Variants in TRIM23 observed in about 807,000 individuals in gnomAD.
TRIM23 encodes E3 ubiquitin-protein ligase TRIM23.
Under a neutral mutation model 71.0 loss-of-function variants are expected in TRIM23, and 27 were observed. The observed-to-expected ratio is 0.38, with a 90% CI of 0.28 to 0.52. The LOEUF is 0.52. TRIM23 is among the 20% of genes least tolerant of loss of function. The probability of loss-of-function intolerance (pLI) is 0.84; values close to 1 mark genes in which losing one functional copy is unlikely to be tolerated. For missense variants in TRIM23, 482 were observed against 692.3 expected, an observed-to-expected ratio of 0.70 and a Z score of 3.41; for synonymous variants, 234 against 238.0, an observed-to-expected ratio of 0.98 and a Z score of 0.16.
At chr5:65,592,369 C>T (rs1754064323) in intron 10 of TRIM23, among the ~76,000 whole-genome samples, 1 of 152,098 alleles carries the variant, frequency 6.6e-6, no homozygotes, top group Non-Finnish European at 1.5e-5. Flanking sequence ...GGATTACAGG[C>T]ATGTGCTACC....
chr5:65,613,618 A>T, intron 3 of TRIM23: 1 of 870,658 alleles, frequency 1.1e-6, no homozygotes, highest in Non-Finnish European at 1.5e-6. Context: ...TAAAGACAGT[A>T]CATCTATACA....
At chr5:65,614,876 A>ATAATTATAT in intron 2 of TRIM23, among the ~76,000 whole-genome samples, 1 of 152,192 alleles carries the variant, frequency 6.6e-6, no homozygotes, top group Admixed American at 6.5e-5. Context: ...ATTTTGCCAC[A>ATAATTATAT]GTTTAAAAAA....
intron 1 of TRIM23, among the ~76,000 whole-genome samples, chr5:65,622,507 TTTCTC>T (rs2150646142): frequency 6.6e-6 from 1 of 152,334 alleles, no homozygotes; most frequent in South Asian, 2.1e-4. Flanking sequence ...ATGTTACTGT[TTTCTC>T]TAATGATAAA....
chr5:65,598,748 CA>C (rs34575401), intron 7 of TRIM23, among the ~76,000 whole-genome samples: 93,684 of 134,842 alleles, frequency 0.69, 31,669 homozygotes, highest in African/African-American at 0.84. Flanking sequence ...AACTCCGCCT[CA>C]AAAAAAAAAA....
intron 3 of TRIM23, among the ~76,000 whole-genome samples, 161 bp from the exon 4 acceptor site, chr5:65,612,042 G>A (rs1754664697): frequency 6.6e-6 from 1 of 152,164 alleles, no homozygotes; most frequent in Non-Finnish European, 1.5e-5. Flanking sequence ...ACTCATCTGA[G>A]AAGCATTCAT....
At position 65,597,133 on chromosome 5, in the gene TRIM23, C is replaced by T. The variant is rs755469489; in HGVS notation, c.1227G>A (p.Thr409=). ...IGPKMEIRVV[T]LGLDGAGKTT... is the part of the protein sequence containing the mutation. ...TTTTTCCAGCACCATCCAATCCTAACGTAACGACCCGAATTTCCATTTTTG... is the reference window on the plus strand; with the variant it reads ...TTTTTCCAGCACCATCCAATCCTAATGTAACGACCCGAATTTCCATTTTTG... The change falls in exon 8 of 11, where the codon ACG becomes ACA. Residue 409 remains threonine (T), a synonymous_variant. Coordinates refer to ENST00000231524, the MANE Select transcript of TRIM23 (RefSeq NM_001656.4). 2.2e-5 allele frequency: 35 copies of T among 1,614,020 alleles called. No homozygotes were observed. The highest frequency in any genetic ancestry group is 1.5e-4 in the Admixed American group (9 of 60,002).
intron 2 of TRIM23, 61 bp from the exon 3 acceptor site, chr5:65,614,280 C>G: frequency 6.7e-7 from 1 of 1,503,756 alleles, no homozygotes; most frequent in African/African-American, 1.4e-5. Flanking sequence ...TCATTTTACC[C>G]ATACCTCAAA....
At chr5:65,607,064 T>C (rs1393122075) in intron 6 of TRIM23, 2 of 152,264 alleles carry the variant, frequency 1.3e-5, no homozygotes, top group Non-Finnish European at 2.9e-5. Context: ...AGATGATGCA[T>C]AATTTGTTTA....
intron 6 of TRIM23, 110 bp from the exon 7 acceptor site, chr5:65,605,155 G>T: frequency 2.0e-6 from 2 of 989,036 alleles, no homozygotes; most frequent in Non-Finnish European, 2.8e-6. Context: ...AGTAGTCAAA[G>T]TTAAATGTAA....
At position 65,601,541 on chromosome 5, in the gene TRIM23, C is replaced by G. The variant is rs1754364882; in HGVS notation, c.1179+3370G>C. 2.0e-5 allele frequency among the ~76,000 whole-genome samples: 3 copies of G among 152,126 alleles called. No homozygotes were observed. In the South Asian group the frequency reaches 6.2e-4, roughly 31 times the overall value. ...GAATAGCACAGGAAAGACCAGCTCC[C>G]ATGATTCAATTACCTCACCCTGGGT... is the stretch of plus-strand genomic sequence containing the variant. On this transcript the variant is annotated intron_variant, in intron 7 of 10. Transcript: ENST00000231524.
chr5:65,596,653 T>C, intron 8 of TRIM23, 122 bp from the exon 9 acceptor site: 2 of 653,138 alleles, frequency 3.1e-6, no homozygotes, highest in Non-Finnish European at 5.3e-6. Flanking sequence ...CAGCAATATC[T>C]ACTGAAGCCT....
intron 8 of TRIM23, among the ~76,000 whole-genome samples, 163 bp downstream of exon 8, chr5:65,596,888 A>G (rs1394266600): frequency 6.6e-6 from 1 of 152,076 alleles, no homozygotes; most frequent in Non-Finnish European, 1.5e-5. Context: ...TCCACATTTC[A>G]ATCCCATAGT....
Position 65,591,647 on chromosome 5 carries a change from A to T in TRIM23, c.*122T>A, listed in dbSNP as rs909054225. The T allele has an allele frequency of 5.7e-6, 3 of 521,806 alleles. No homozygotes were observed. Among genetic ancestry groups the T allele is most frequent in the Non-Finnish European group, 5.2e-6 (2 of 383,624 alleles). The allele number at this position is 521,806 out of a possible 1,614,324, so 32.3% of individuals were successfully genotyped here. ...TGAATTCCCAATCCAAGATTCCTTTATATATATATATATATATATGCATCC... is the reference window on the plus strand; with the variant it reads ...TGAATTCCCAATCCAAGATTCCTTTTTATATATATATATATATATGCATCC... On this transcript the variant is annotated 3_prime_UTR_variant, in exon 11 of 11. Transcript: ENST00000231524.
In TRIM23 at chr5:65,591,645, T is replaced by TTATATATATATA. The variant is rs10644434; in HGVS notation, c.*112_*123dup. On this transcript the variant is annotated 3_prime_UTR_variant, in exon 11 of 11. Coordinates refer to ENST00000231524, the MANE Select transcript of TRIM23 (RefSeq NM_001656.4). ...ACTGAATTCCCAATCCAAGATTCCTTTATATATATATATATATATATGCAT... is the reference window on the plus strand; with the variant it reads ...ACTGAATTCCCAATCCAAGATTCCTTTATATATATATATATATATATATATATATATATGCAT... The TTATATATATATA allele has an allele frequency of 5.5e-3, 3,936 of 715,958 alleles. 27 individuals are homozygous for TTATATATATATA. The highest frequency in any genetic ancestry group is 0.012 in the African/African-American group (528 of 45,768). The allele number at this position is 715,958 out of a possible 1,614,324, so 44.4% of individuals were successfully genotyped here.
intron 7 of TRIM23, among the ~76,000 whole-genome samples, chr5:65,603,434 A>AG (rs1295677830): frequency 6.6e-6 from 1 of 152,220 alleles, no homozygotes; most frequent in Non-Finnish European, 1.5e-5. Flanking sequence ...TAAAAAGAGC[A>AG]GGAAAAAAAA....
At chr5:65,600,459 AC>A (rs1481247856) in intron 7 of TRIM23, among the ~76,000 whole-genome samples, 4 of 152,110 alleles carry the variant, frequency 2.6e-5, no homozygotes, top group Non-Finnish European at 4.4e-5. Context: ...CTGGATATCT[AC>A]ATGCAAAAGG....
At chr5:65,606,118 A>G (rs903358905) in intron 6 of TRIM23, among the ~76,000 whole-genome samples, 6 of 152,158 alleles carry the variant, frequency 3.9e-5, no homozygotes, top group African/African-American at 1.4e-4. Context: ...CTTCTACTCA[A>G]AACTCTACAA....
chr5:65,600,622 T>TAAAAAAAAAAA, intron 7 of TRIM23, among the ~76,000 whole-genome samples: 1 of 102,330 alleles, frequency 9.8e-6, no homozygotes, highest in Non-Finnish European at 2.0e-5. Flanking sequence ...AAAAGCACAG[T>TAAAAAAAAAAA]AAAAAAAAAA....
chr5:65,610,022 A>C (rs1754611055), intron 5 of TRIM23, among the ~76,000 whole-genome samples: 1 of 152,184 alleles, frequency 6.6e-6, no homozygotes, highest in Non-Finnish European at 1.5e-5. Context: ...AAATCTGATC[A>C]TGCCTCATCA....
Sources: allele counts gnomAD v4.1 joint callset (sites outside exome capture counted in the v4.1 genomes callset), GRCh38; gene constraint gnomAD v4.1.1; transcripts MANE v1.5; gene names NCBI Gene and HGNC (gene_info 2026-07-23, HGNC 2026-07-21).